Variants in TMEM117 observed in about 807,000 individuals in gnomAD.
TMEM117 encodes the protein transmembrane protein 117.
In TMEM117, 27 loss-of-function variants were observed where a neutral mutation model predicts 52.4. The observed-to-expected ratio is 0.51, with a 90% CI of 0.38 to 0.71. The LOEUF (loss-of-function observed/expected upper bound fraction) is 0.71. Ranked by LOEUF, TMEM117 falls within the 30% of genes least tolerant of loss-of-function variation. The probability of loss-of-function intolerance (pLI) is 0.00; values close to 1 mark genes in which losing one functional copy is unlikely to be tolerated. For synonymous variants in TMEM117, 215 were observed against 206.3 expected (o/e 1.04, Z -0.36); for missense variants, 556 against 630.5 (o/e 0.88, Z 1.26).
intron 1 of TMEM117, among the ~76,000 whole-genome samples, chr12:43,842,847 G>T (rs1375985305): frequency 1.3e-5 from 2 of 152,100 alleles, no homozygotes; most frequent in Non-Finnish European, 2.9e-5. Context: ...ACATTTAAGG[G>T]ATGGCATCCC....
At chr12:43,979,478 A>G (rs1447451816) in intron 3 of TMEM117, among the ~76,000 whole-genome samples, 1 of 152,158 alleles carries the variant, frequency 6.6e-6, no homozygotes, top group African/African-American at 2.4e-5. Context: ...TTTCCAATGA[A>G]ATTGGTGAGC....
chr12:43,798,651 C>A, the TMEM117 span: 1 of 1,435,936 alleles, frequency 7.0e-7, no homozygotes, highest in Non-Finnish European at 9.3e-7. Context: ...ATAAAAAGCC[C>A]TACTCAAATA....
At chr12:44,266,641 T>C (rs557903434) in intron 5 of TMEM117, among the ~76,000 whole-genome samples, 16 of 152,168 alleles carry the variant, frequency 1.1e-4, no homozygotes, top group Non-Finnish European at 1.6e-4. Context: ...TCAATTTATC[T>C]GTATTTTCTT....
At chr12:43,850,885 TGA>T in intron 2 of TMEM117, among the ~76,000 whole-genome samples, 1 of 152,200 alleles carries the variant, frequency 6.6e-6, no homozygotes, top group Admixed American at 6.5e-5. Context: ...ATGATGATGA[TGA>T]TGATGATGTT....
At chr12:44,148,408 A>G (rs932167316) in intron 4 of TMEM117, among the ~76,000 whole-genome samples, 2 of 152,224 alleles carry the variant, frequency 1.3e-5, no homozygotes, top group African/African-American at 2.4e-5. Context: ...ATTTCTCTGT[A>G]TTGAGGATCT....
At chr12:44,015,697 A>G (rs1946363523) in intron 3 of TMEM117, among the ~76,000 whole-genome samples, 2 of 152,172 alleles carry the variant, frequency 1.3e-5, no homozygotes, top group Admixed American at 1.3e-4. Flanking sequence ...TTTTCCTAAT[A>G]GAAACAATAA....
At chr12:44,096,625 A>G (rs1947768783) in intron 3 of TMEM117, among the ~76,000 whole-genome samples, 1 of 151,672 alleles carries the variant, frequency 6.6e-6, no homozygotes, top group East Asian at 1.9e-4. Flanking sequence ...AGGATTCCCT[A>G]TTTAATAAAT....
intron 2 of TMEM117, among the ~76,000 whole-genome samples, chr12:43,897,904 T>C (rs536814585): frequency 6.6e-6 from 1 of 152,318 alleles, no homozygotes; most frequent in East Asian, 1.9e-4. Flanking sequence ...TGAGCCATTG[T>C]GCCTGGCCTT....
intron 2 of TMEM117, among the ~76,000 whole-genome samples, chr12:43,906,855 A>T (rs1944399883): frequency 6.6e-6 from 1 of 152,230 alleles, no homozygotes; most frequent in Non-Finnish European, 1.5e-5. Flanking sequence ...ACCCCCACGG[A>T]GTCTCGCTGA....
At chr12:43,840,325 T>G (rs1253364560) in intron 1 of TMEM117, among the ~76,000 whole-genome samples, 1 of 152,224 alleles carries the variant, frequency 6.6e-6, no homozygotes, top group Non-Finnish European at 1.5e-5. Flanking sequence ...GCTATGAAAT[T>G]TAAGAGATGC....
At chr12:44,332,952 T>C (rs1951292192) in intron 6 of TMEM117, among the ~76,000 whole-genome samples, 1 of 152,110 alleles carries the variant, frequency 6.6e-6, no homozygotes, top group African/African-American at 2.4e-5. Flanking sequence ...GCTATACCGA[T>C]TCTGTTGCAA....
chr12:44,306,347 C>T (rs1950902914), intron 6 of TMEM117, among the ~76,000 whole-genome samples: 1 of 152,052 alleles, frequency 6.6e-6, no homozygotes, highest in Non-Finnish European at 1.5e-5. Context: ...CAGAAATCTA[C>T]TCATATTTCT....
intron 5 of TMEM117, among the ~76,000 whole-genome samples, chr12:44,237,125 G>A (rs1307808375): frequency 6.6e-6 from 1 of 151,974 alleles, no homozygotes; most frequent in Non-Finnish European, 1.5e-5. Context: ...TATATGTTTT[G>A]CAGGCTTTTT....
chr12:43,964,542 C>G (rs1945454779), intron 3 of TMEM117, among the ~76,000 whole-genome samples: 1 of 152,200 alleles, frequency 6.6e-6, no homozygotes, highest in Admixed American at 6.5e-5. Flanking sequence ...ATCATCCCAT[C>G]TATGGCTTGA....
intron 2 of TMEM117, among the ~76,000 whole-genome samples, chr12:43,925,119 G>A (rs1881927): frequency 0.68 from 103,083 of 151,824 alleles, 39,057 homozygotes; most frequent in Non-Finnish European, 0.82. Flanking sequence ...CTCGAGAGAG[G>A]GACCACGGTG....
intron 6 of TMEM117, among the ~76,000 whole-genome samples, chr12:44,373,973 G>A (rs191817891): frequency 3.3e-5 from 5 of 151,516 alleles, no homozygotes; most frequent in Non-Finnish European, 5.9e-5. Context: ...GTAGAGATGG[G>A]GTTTCACCAT....
At chr12:44,241,444 G>C (rs974531782) in intron 5 of TMEM117, among the ~76,000 whole-genome samples, 4 of 151,802 alleles carry the variant, frequency 2.6e-5, no homozygotes, top group Non-Finnish European at 5.9e-5. Flanking sequence ...CTTTGAATGA[G>C]ATTGATAATT....
At chr12:43,892,049 A>T (rs1271604816) in intron 2 of TMEM117, among the ~76,000 whole-genome samples, 2 of 152,192 alleles carry the variant, frequency 1.3e-5, no homozygotes, top group African/African-American at 4.8e-5. Context: ...TGCTGTCAAA[A>T]TACTCCTGGT....
At chr12:43,874,443 T>C (rs1246284526) in intron 2 of TMEM117, among the ~76,000 whole-genome samples, 2 of 151,680 alleles carry the variant, frequency 1.3e-5, no homozygotes, top group Non-Finnish European at 2.9e-5. Context: ...AAAAAAAATT[T>C]AGCCAGGCCT....
Sources: gnomAD v4.1 joint callset for allele counts (sites outside exome capture counted in the v4.1 genomes callset) on GRCh38, gnomAD v4.1.1 for gene constraint, MANE v1.5 for transcripts, NCBI Gene and HGNC (gene_info 2026-07-23, HGNC 2026-07-21) for gene names.